Variants in MNAT1 observed in about 807,000 individuals in gnomAD.
MNAT1 encodes the protein MNAT1 component of CDK activating kinase, also known as CDK-activating kinase assembly factor MAT1.
MNAT1 carries 43 observed loss-of-function variants against 42.0 expected under a neutral mutation model. The ratio of observed to expected loss-of-function variants is 1.02; its 90% CI spans 0.80 to 1.32. MNAT1 has a LOEUF of 1.32. Ranked by LOEUF, MNAT1 falls within the 40% of genes most tolerant of loss-of-function variation. The pLI is 0.00. For missense variants in MNAT1, 306 were observed against 350.4 expected (o/e 0.87, Z 1.01); for synonymous variants, 118 against 120.0 (o/e 0.98, Z 0.11).
In MNAT1 at chr14:60,812,000, A is replaced by G. The variant is rs150481557; in HGVS notation, c.434A>G (p.Glu145Gly). ...TTTTTGTTTTAGACTCGAGAACAGG[A>G]AGAACTGGAAGAAGCTTTAGAAGTG... ...KNKLKLTREQ[E>G]ELEEALEVER... The change falls in exon 5 of 8, where the codon GAA becomes GGA. Residue 145 changes from glutamate to glycine, a missense_variant. Physicochemically the swap from Glu to Gly is moderately conservative, Grantham distance 98. Transcript: ENST00000261245. 7.1e-5 allele frequency: 112 copies of G among 1,586,014 alleles called. No individual in the cohort carries two copies. The African/African-American group carries it at 1.4e-3, about 19-fold the overall frequency.
rs911190272 is a variant in MNAT1, at chr14:60,740,279, C to T, written c.89+5328C>T. On this transcript the variant is annotated intron_variant, in intron 1 of 7. Coordinates refer to ENST00000261245, the MANE Select transcript of MNAT1 (RefSeq NM_002431.4). This position sits in a 1 kb window ranked among gnomAD's most constrained non-coding sequence, Gnocchi z 4.1. ...GTACAAGATAAGCAAAATCAAGTAC[C>T]TACCATCTTGATATATAAAGGCAAT... Among the ~76,000 whole-genome samples, 1 of 152,230 alleles carries T rather than the reference C, an allele frequency of 6.6e-6. No individual in the cohort carries two copies. Among genetic ancestry groups the T allele is most frequent in the East Asian group, 1.9e-4 (1 of 5,194 alleles).
At chr14:60,886,464 C>G (rs1000640244) in intron 7 of MNAT1, among the ~76,000 whole-genome samples, 2 of 151,640 alleles carry the variant, frequency 1.3e-5, no homozygotes, top group Non-Finnish European at 2.9e-5. Context: ...TAAATTTGTT[C>G]TTAAGTATCT....
At chr14:60,937,780 G>T (rs1175272820) in intron 7 of MNAT1, among the ~76,000 whole-genome samples, 3 of 152,018 alleles carry the variant, frequency 2.0e-5, no homozygotes, top group Admixed American at 2.0e-4. Context: ...GTCATTGGTA[G>T]CTTGATGGGG....
At chr14:60,900,188 G>A (rs1251433887) in intron 7 of MNAT1, among the ~76,000 whole-genome samples, 2 of 152,038 alleles carry the variant, frequency 1.3e-5, no homozygotes, top group Non-Finnish European at 2.9e-5. Context: ...AGGGTCACAT[G>A]TCTCTCACTT....
Position 60,938,519 on chromosome 14 carries a change from T to C in MNAT1, c.810-29710T>C, listed in dbSNP as rs529464210. On this transcript the variant is annotated intron_variant, in intron 7 of 7. Transcript: ENST00000261245. ...TTTGTCGTTGGTTCTGTTAATATGC[T>C]GGATTATGATTATTGATTTGTGTAT... 3.9e-5 allele frequency among the ~76,000 whole-genome samples: 6 copies of C among 152,344 alleles called. No homozygotes were observed. In the South Asian group the frequency reaches 1.2e-3, roughly 32 times the overall value.
chr14:60,881,366 G>C (rs771206183), intron 7 of MNAT1, among the ~76,000 whole-genome samples: 1 of 151,920 alleles, frequency 6.6e-6, no homozygotes, highest in Non-Finnish European at 1.5e-5. Flanking sequence ...TGTATTTTTT[G>C]TAGAGACAGG....
intron 1 of MNAT1, among the ~76,000 whole-genome samples, chr14:60,793,413 G>C (rs2031893721): frequency 6.6e-6 from 1 of 151,858 alleles, no homozygotes; most frequent in South Asian, 2.1e-4. Flanking sequence ...ACGCAGGCTG[G>C]AGTGCAGTGG....
chr14:60,818,765 AAGAT>A lies in MNAT1; in HGVS notation c.610_613del (p.Arg204LeufsTer4). 6.2e-7 allele frequency: 1 copy of A among 1,612,670 alleles called. No homozygotes were observed. Among genetic ancestry groups the A allele is most frequent in the Non-Finnish European group, 8.5e-7 (1 of 1,179,030 alleles). ...GTTGCTCTGCTTTTGGCTCAGCATA[AAGAT>A]AGATCTACCCAATTAGAAATGCAAC... On this transcript the variant is annotated frameshift_variant, in exon 6 of 8. Transcript: ENST00000261245. LOFTEE classifies it high-confidence loss of function.
chr14:60,956,496 G>A (rs79400184), intron 7 of MNAT1, among the ~76,000 whole-genome samples: 2,489 of 152,264 alleles, frequency 0.016, 40 homozygotes, highest in East Asian at 0.095. Context: ...GGAATTTTCT[G>A]TATACGTCTG....
At chr14:60,862,564 A>G (rs577163594) in intron 6 of MNAT1, among the ~76,000 whole-genome samples, 2 of 152,328 alleles carry the variant, frequency 1.3e-5, no homozygotes, top group African/African-American at 2.4e-5. Flanking sequence ...TAAAGTGCAC[A>G]ACTGCTTTTG....
intron 5 of MNAT1, among the ~76,000 whole-genome samples, chr14:60,813,659 TG>T (rs1368103326): frequency 6.6e-6 from 1 of 152,196 alleles, no homozygotes; most frequent in African/African-American, 2.4e-5. Flanking sequence ...CAGTATGTAC[TG>T]GGGAAAACTA....
chr14:60,888,328 A>T (rs937859706), intron 7 of MNAT1, among the ~76,000 whole-genome samples: 3 of 152,110 alleles, frequency 2.0e-5, no homozygotes, highest in Admixed American at 6.5e-5. Context: ...CAGCATATTA[A>T]CAGAACCAAA....
intron 7 of MNAT1, among the ~76,000 whole-genome samples, chr14:60,884,262 T>C (rs2034613326): frequency 2.0e-5 from 3 of 152,114 alleles, no homozygotes; most frequent in Non-Finnish European, 4.4e-5. Context: ...TTTTGAGGGT[T>C]TTTACCATGA....
intron 1 of MNAT1, among the ~76,000 whole-genome samples, chr14:60,773,751 C>A (rs1412383083): frequency 6.6e-6 from 1 of 152,168 alleles, no homozygotes; most frequent in Non-Finnish European, 1.5e-5. Context: ...CAGAAGAGTA[C>A]CTGAAAGCTG....
intron 7 of MNAT1, among the ~76,000 whole-genome samples, chr14:60,952,334 G>C (rs959344110): frequency 6.6e-6 from 1 of 152,154 alleles, no homozygotes; most frequent in Non-Finnish European, 1.5e-5. Flanking sequence ...GTCTTTTTGC[G>C]TGAGAGTCAT....
At chr14:60,958,718 G>A (rs1202577854) in intron 7 of MNAT1, among the ~76,000 whole-genome samples, 1 of 130,494 alleles carries the variant, frequency 7.7e-6, no homozygotes, top group Non-Finnish European at 1.6e-5. Context: ...CTCACTGCAA[G>A]CTCCGCCTCC....
intron 6 of MNAT1, among the ~76,000 whole-genome samples, chr14:60,877,613 A>T (rs1454721605): frequency 6.6e-6 from 1 of 152,110 alleles, no homozygotes; most frequent in African/African-American, 2.4e-5. Flanking sequence ...TGGTTTATAA[A>T]AAGTTATGAA....
In MNAT1 at chr14:60,934,240, C is replaced by T. The variant is rs551626312; in HGVS notation, c.810-33989C>T. On this transcript the variant is annotated intron_variant, in intron 7 of 7. Coordinates refer to ENST00000261245, the MANE Select transcript of MNAT1 (RefSeq NM_002431.4). ...TAAACCTTGTCAAAGGCAGGAGATG[C>T]ATATTTCTTACAGGGATTTTAGGAC... Among the ~76,000 whole-genome samples the T allele has an allele frequency of 2.6e-5, 4 of 152,300 alleles. No homozygotes were observed. The East Asian group carries it at 5.8e-4, about 22-fold the overall frequency.
At chr14:60,807,569 C>A (rs867520028) in intron 3 of MNAT1, among the ~76,000 whole-genome samples, 1 of 151,868 alleles carries the variant, frequency 6.6e-6, no homozygotes, top group African/African-American at 2.4e-5. Context: ...GCAAGAAGGT[C>A]TTTTTTTAAT....
Sources: gnomAD v4.1 joint callset for allele counts (sites outside exome capture counted in the v4.1 genomes callset) on GRCh38, gnomAD v4.1.1 for gene constraint, Gnocchi (gnomAD v3.1) non-coding constraint, MANE v1.5 for transcripts, NCBI Gene and HGNC (gene_info 2026-07-23, HGNC 2026-07-21) for gene names.